Variants in NOX4 observed in about 807,000 individuals in gnomAD.
NOX4 encodes kidney oxidase-1.
Under a neutral mutation model 87.6 loss-of-function variants are expected in NOX4, and 69 were observed. The observed-to-expected ratio is 0.79, with a 90% CI of 0.65 to 0.96. The LOEUF is 0.96. NOX4 is among the 40% of genes least tolerant of loss of function. The pLI, the probability that NOX4 is intolerant of heterozygous loss-of-function variation, is 0.00. For synonymous variants in NOX4, 275 were observed against 238.2 expected (o/e 1.15, Z -1.42); for missense variants, 680 against 681.5 (o/e 1.00, Z 0.02).
intron 6 of NOX4, among the ~76,000 whole-genome samples, chr11:89,433,917 T>C (rs991827493): frequency 3.9e-5 from 6 of 152,126 alleles, no homozygotes; most frequent in Admixed American, 6.6e-5. Flanking sequence ...TCCTTTAGTA[T>C]TGTATTATTA....
At chr11:89,411,758 G>C (rs1469271125) in intron 8 of NOX4, among the ~76,000 whole-genome samples, 2 of 152,042 alleles carry the variant, frequency 1.3e-5, no homozygotes, top group Non-Finnish European at 2.9e-5. Flanking sequence ...AAAGAAGAAA[G>C]AGAAGACCAC....
rs556020215 is a variant in NOX4 at position 89,334,196 on chromosome 11, G to C, written c.1616+1649C>G. On this transcript the variant is annotated intron_variant, in intron 17 of 17. Coordinates refer to ENST00000263317, the MANE Select transcript of NOX4 (RefSeq NM_016931.5). ...AGTAAATGGCACTAAAGAGGAACATGTCTGCAATGCATAGCAAGAGACAGA... is the reference window on the plus strand; with the variant it reads ...AGTAAATGGCACTAAAGAGGAACATCTCTGCAATGCATAGCAAGAGACAGA... 9.0e-4 allele frequency among the ~76,000 whole-genome samples: 136 copies of C among 151,756 alleles called. 1 individual carries two copies. The highest frequency in any genetic ancestry group is 1.3e-3 in the Non-Finnish European group (89 of 67,710).
chr11:89,499,232 T>C (rs1490041435), upstream of NOX4: 1 of 152,152 alleles, frequency 6.6e-6, no homozygotes, highest in African/African-American at 2.4e-5. Context: ...CCCTTGTCCT[T>C]TGGCTGCAGC....
chr11:89,396,926 C>A lies in NOX4; in HGVS notation c.1074+3091G>T, dbSNP rs1941533320. On this transcript the variant is annotated intron_variant, in intron 11 of 17. Coordinates refer to ENST00000263317, the MANE Select transcript of NOX4 (RefSeq NM_016931.5). ...ACAGATCAATGAGACAGAAGGTTAA[C>A]AAGGATATCCTTGACTTGAACTCAG... is the stretch of plus-strand genomic sequence containing the variant. Among the ~76,000 whole-genome samples the A allele has an allele frequency of 2.0e-5, 3 of 152,070 alleles. No individual in the cohort carries two copies. The South Asian group carries it at 6.2e-4, about 32-fold the overall frequency.
intron 17 of NOX4, among the ~76,000 whole-genome samples, chr11:89,329,973 A>G (rs1464109243): frequency 6.6e-6 from 1 of 152,090 alleles, no homozygotes; most frequent in Non-Finnish European, 1.5e-5. Flanking sequence ...ATCTGTCAGT[A>G]AATATAAAAT....
At chr11:89,345,796 T>G (rs575409242) in intron 13 of NOX4, among the ~76,000 whole-genome samples, 1 of 152,234 alleles carries the variant, frequency 6.6e-6, no homozygotes, top group Admixed American at 6.5e-5. Context: ...GGAACATACC[T>G]CAAAATAATA....
chr11:89,578,491 T>G, the NOX4 span, among the ~76,000 whole-genome samples: 1 of 152,294 alleles, frequency 6.6e-6, no homozygotes, highest in African/African-American at 2.4e-5. Context: ...CTAATAGATA[T>G]AGCTACAATT....
chr11:89,445,625 G>A (rs150166788), intron 4 of NOX4, among the ~76,000 whole-genome samples: 150 of 152,134 alleles, frequency 9.9e-4, no homozygotes, highest in African/African-American at 2.7e-3. Flanking sequence ...AAGAAAATGC[G>A]TTTGTCACAA....
upstream of NOX4, among the ~76,000 whole-genome samples, chr11:89,493,368 G>A (rs888697461): frequency 4.7e-5 from 7 of 149,288 alleles, no homozygotes; most frequent in East Asian, 2.0e-4. Flanking sequence ...CAGCCTGTGC[G>A]ACAGAGCAAG....
intron 6 of NOX4, among the ~76,000 whole-genome samples, chr11:89,438,257 T>G (rs902710918): frequency 4.4e-5 from 6 of 137,704 alleles, no homozygotes; most frequent in Non-Finnish European, 7.6e-5. Flanking sequence ...ATATTATTAT[T>G]ATATATAATA....
At chr11:89,589,250 C>T in the NOX4 span, among the ~76,000 whole-genome samples, 1 of 152,140 alleles carries the variant, frequency 6.6e-6, no homozygotes, top group Non-Finnish European at 1.5e-5. Context: ...CCCACCTTCA[C>T]TTTCATCACA....
the NOX4 span, among the ~76,000 whole-genome samples, chr11:89,578,183 A>G: frequency 0.089 from 13,426 of 150,276 alleles, 1,865 homozygotes; most frequent in African/African-American, 0.3. Flanking sequence ...TTTTTTTTGA[A>G]ACAGAGTCTC....
At chr11:89,352,801 T>C (rs1052006733) in intron 13 of NOX4, among the ~76,000 whole-genome samples, 7 of 152,154 alleles carry the variant, frequency 4.6e-5, no homozygotes, top group Middle Eastern at 3.2e-3. Flanking sequence ...TTTGGTTTTG[T>C]TGTCTGTTTG....
chr11:89,550,143 C>A, the NOX4 span, among the ~76,000 whole-genome samples: 4 of 151,984 alleles, frequency 2.6e-5, no homozygotes, highest in African/African-American at 9.7e-5. Flanking sequence ...TATTTCTCCA[C>A]AGCCTCGCCA....
intron 6 of NOX4, among the ~76,000 whole-genome samples, chr11:89,437,273 C>T (rs1944126335): frequency 6.6e-6 from 1 of 152,026 alleles, no homozygotes; most frequent in Non-Finnish European, 1.5e-5. Flanking sequence ...GAGGCTGAGG[C>T]AATGTTTCCT....
chr11:89,489,522 G>A (rs903704605), intron 2 of NOX4, among the ~76,000 whole-genome samples: 1 of 152,034 alleles, frequency 6.6e-6, no homozygotes, highest in African/African-American at 2.4e-5. Flanking sequence ...GAGGTCAGGA[G>A]TTCTAGACCA....
At chr11:89,376,706 C>A (rs1351214455) in intron 11 of NOX4, among the ~76,000 whole-genome samples, 3 of 152,022 alleles carry the variant, frequency 2.0e-5, no homozygotes, top group African/African-American at 4.8e-5. Flanking sequence ...GATGGTGAAA[C>A]CCTGTCTCTA....
At chr11:89,395,094 G>A (rs1941384113) in intron 11 of NOX4, among the ~76,000 whole-genome samples, 1 of 152,112 alleles carries the variant, frequency 6.6e-6, no homozygotes, top group Non-Finnish European at 1.5e-5. Context: ...TCCCACAATG[G>A]TTGAACTAGT....
At chr11:89,544,689 C>T in the NOX4 span, among the ~76,000 whole-genome samples, 17 of 152,128 alleles carry the variant, frequency 1.1e-4, 1 homozygote, top group Admixed American at 3.9e-4. Flanking sequence ...CGGTTAGTTA[C>T]GTGTAACTTT....
Sources: gnomAD v4.1 joint callset for allele counts (sites outside exome capture counted in the v4.1 genomes callset) on GRCh38, gnomAD v4.1.1 for gene constraint, MANE v1.5 for transcripts, NCBI Gene and HGNC (gene_info 2026-07-23, HGNC 2026-07-21) for gene names.